The following NAV1 variants were observed in gnomAD, a reference collection of about 807,000 sequenced individuals.
NAV1 encodes neuron navigator 1, also known as pore membrane and/or filament interacting like protein 3.
A neutral mutation model predicts 175.2 loss-of-function variants in NAV1; 18 were observed. The ratio of observed to expected loss-of-function variants is 0.10; its 90% CI spans 0.07 to 0.15. The LOEUF (loss-of-function observed/expected upper bound fraction) is 0.15. Among genes scored for constraint, NAV1 ranks in the 10% least tolerant of loss-of-function variants. The pLI, the probability that NAV1 is intolerant of heterozygous loss-of-function variation, is 1.00. For synonymous variants in NAV1, 897 were observed against 978.7 expected (o/e 0.92, Z 1.56); for missense variants, 1,731 against 2,436.6 (o/e 0.71, Z 6.10).
At chr1:201,626,562 C>T (rs926616138) in intron 1 of NAV1, among the ~76,000 whole-genome samples, 16 of 152,182 alleles carry the variant, frequency 1.1e-4, no homozygotes, top group African/African-American at 3.9e-4. Flanking sequence ...CTCAGGAGAC[C>T]CTGGTCTCAC....
chr1:201,630,768 C>T (rs1316776512), intron 2 of NAV1, among the ~76,000 whole-genome samples: 1 of 152,178 alleles, frequency 6.6e-6, no homozygotes, highest in African/African-American at 2.4e-5. Context: ...TCTCTGGCAC[C>T]GAAAAGCCAT....
At chr1:201,566,798 TG>T (rs1233312324) in intron 1 of NAV1, among the ~76,000 whole-genome samples, 1 of 149,132 alleles carries the variant, frequency 6.7e-6, no homozygotes, top group African/African-American at 2.5e-5. Flanking sequence ...CCTTCTAGGT[TG>T]TTTTTTTTTT....
chr1:201,808,440 C>A lies in NAV1; in HGVS notation c.3868C>A (p.His1290Asn), dbSNP rs2292822. ...CAGGGGCCCTGCTCACCCAGCCCCCCACACTAGGCTGTTCCATGCAAATGA... is the reference window on the plus strand; with the variant it reads ...CAGGGGCCCTGCTCACCCAGCCCCCAACACTAGGCTGTTCCATGCAAATGA... Residue 1290 changes from histidine to asparagine, a missense_variant, in exon 19 of 30, where the codon CAC becomes AAC. By Grantham distance (68) the His-to-Asn change is moderately conservative (BLOSUM62 1). Around this residue, in one of 13 missense-constraint regions of NAV1, gnomAD observed 146 missense variants for 176.8 expected, o/e 0.83. Transcript: ENST00000367296. This position sits in a 1 kb window ranked among gnomAD's most constrained non-coding sequence, Gnocchi z 5.5. The A allele has an allele frequency of 3.8e-5, 62 of 1,613,256 alleles. No individual in the cohort carries two copies. The highest frequency in any genetic ancestry group is 2.2e-4 in the Admixed American group (13 of 59,940).
rs374797209 is a variant in NAV1 at position 201,540,031 on chromosome 1, G to A, written c.-144+689G>A. ...ACGGGGAGCTCACCTGAGCGCTCCC[G>A]AGGCTTGGGCTCTGGTCCCTGCTAA... On this transcript the variant is annotated intron_variant, in intron 1 of 33. Coordinates refer to the NAV1 transcript ENST00000685211. Among the ~76,000 whole-genome samples, 690 of 152,326 alleles carry A rather than the reference G, an allele frequency of 4.5e-3. 3 individuals are homozygous for A. The highest frequency in any genetic ancestry group is 0.01 in the South Asian group (49 of 4,830).
chr1:201,645,554 TAATAA>T (rs937219843), upstream of NAV1, among the ~76,000 whole-genome samples: 9 of 151,918 alleles, frequency 5.9e-5, no homozygotes, highest in Middle Eastern at 3.4e-3. Context: ...ATTATAATAA[TAATAA>T]AATAAAATAA....
chr1:201,820,212 C>T (rs982492471), exon 30 of NAV1: 14 of 311,638 alleles, frequency 4.5e-5, no homozygotes, highest in Non-Finnish European at 7.7e-5. Flanking sequence ...TGGGTCTTTC[C>T]CTTGACTTCT....
At chr1:201,703,942 A>G (rs1007203135) in intron 1 of NAV1, among the ~76,000 whole-genome samples, 28 of 152,248 alleles carry the variant, frequency 1.8e-4, no homozygotes, top group Admixed American at 3.3e-4. Context: ...CTCAGAGCAC[A>G]GATCTGAACC....
chr1:201,655,392 C>G (rs1669362364), intron 1 of NAV1, among the ~76,000 whole-genome samples: 1 of 152,254 alleles, frequency 6.6e-6, no homozygotes, highest in Non-Finnish European at 1.5e-5. Flanking sequence ...TTGGATTACC[C>G]AGATGTGTTT....
chr1:201,588,491 G>A (rs4406665), intron 1 of NAV1, among the ~76,000 whole-genome samples, 48 bp from the exon 2 acceptor site: 12,118 of 151,714 alleles, frequency 0.08, 637 homozygotes, highest in East Asian at 0.23. Flanking sequence ...AGGACTACAG[G>A]TAGGTGCCAC....
chr1:201,701,009 C>CAAAAAAAAA (rs386369321), intron 1 of NAV1, among the ~76,000 whole-genome samples: 10 of 52,712 alleles, frequency 1.9e-4, no homozygotes, highest in African/African-American at 2.6e-4. Context: ...GACTCTGTCT[C>CAAAAAAAAA]AAAAAAAAAA....
Position 201,556,193 on chromosome 1 carries a change from T to A in NAV1, c.-144+16851T>A, listed in dbSNP as rs138886435. ...TTAGAAGGCCAAGGTGGGTAGATTG[T>A]TTGAGCCCAGGAGTTTGAGACCACC... On this transcript the variant is annotated intron_variant, in intron 1 of 33. Transcript: ENST00000685211. 5.4e-4 allele frequency among the ~76,000 whole-genome samples: 82 copies of A among 152,154 alleles called. 1 individual carries two copies. The highest frequency in any genetic ancestry group is 3.4e-3 in the Middle Eastern group (1 of 294).
At chr1:201,588,563 G>A (rs112777002) in exon 2 of NAV1, among the ~76,000 whole-genome samples, 3 of 146,972 alleles carry the variant, frequency 2.0e-5, no homozygotes, top group Non-Finnish European at 3.0e-5. Context: ...TATGTTGCCC[G>A]GGCTGGTCTG....
chr1:201,707,287 G>C (rs1054673202), intron 1 of NAV1, among the ~76,000 whole-genome samples: 2 of 152,110 alleles, frequency 1.3e-5, no homozygotes, highest in Admixed American at 1.3e-4. Context: ...CCAGCCCGAG[G>C]GTGCACCCGT....
chr1:201,579,322 T>A (rs1666780184), intron 1 of NAV1, among the ~76,000 whole-genome samples: 1 of 152,148 alleles, frequency 6.6e-6, no homozygotes, highest in African/African-American at 2.4e-5. Context: ...CTCATCGCCA[T>A]GTTGTTCCTT....
chr1:201,544,010 A>G (rs1389933159), intron 1 of NAV1, among the ~76,000 whole-genome samples: 2 of 152,240 alleles, frequency 1.3e-5, no homozygotes, highest in African/African-American at 2.4e-5. Context: ...CCTGATGCAG[A>G]GATGAACTGA....
intron 1 of NAV1, among the ~76,000 whole-genome samples, chr1:201,576,575 A>T (rs1344422030): frequency 7.3e-6 from 1 of 137,512 alleles, no homozygotes; most frequent in Non-Finnish European, 1.5e-5. Flanking sequence ...ACCCTCTCCA[A>T]AAAAAAAAAT....
In NAV1 at chr1:201,550,550, C is replaced by A. The variant is rs369741636; in HGVS notation, c.-144+11208C>A. On this transcript the variant is annotated intron_variant, in intron 1 of 33. Coordinates refer to the NAV1 transcript ENST00000685211. ...TTTAAATTGGCTATTTCTTGGTAAC[C>A]CTGAACATATGCAGAAATTACTGGA... Among the ~76,000 whole-genome samples, 3 of 152,136 alleles carry A rather than the reference C, an allele frequency of 2.0e-5. No individual in the cohort carries two copies. The East Asian group carries it at 5.8e-4, about 29-fold the overall frequency.
chr1:201,656,846 T>A (rs530372930), intron 1 of NAV1, among the ~76,000 whole-genome samples: 1 of 152,340 alleles, frequency 6.6e-6, no homozygotes, highest in African/African-American at 2.4e-5. Flanking sequence ...CAGAGCCCGC[T>A]GGGGTTTGGA....
chr1:201,795,430 C>A (rs1427248108), intron 15 of NAV1: 2 of 152,184 alleles, frequency 1.3e-5, no homozygotes, highest in Non-Finnish European at 2.9e-5. Context: ...TCTTTAGCAA[C>A]CATACAACCC....
Sources: gnomAD v4.1 joint callset for allele counts (sites outside exome capture counted in the v4.1 genomes callset) on GRCh38, gnomAD v4.1.1 for gene constraint, gnomAD v4.1.1 regional missense constraint, Gnocchi (gnomAD v3.1) non-coding constraint, MANE v1.5 for transcripts, NCBI Gene and HGNC (gene_info 2026-07-23, HGNC 2026-07-21) for gene names.